PINX1: variants seen among roughly 807,000 people sequenced by gnomAD.
The protein encoded by PINX1 is PIN2/TERF1-interacting telomerase inhibitor 1.
Under a neutral mutation model 25.4 loss-of-function variants are expected in PINX1, and 34 were observed. That is an observed-to-expected ratio of 1.34 (90% confidence interval 1.02 to 1.78). The LOEUF is 1.78. Ranked by LOEUF, PINX1 falls within the 40% of genes most tolerant of loss-of-function variation. The pLI, the probability that PINX1 is intolerant of heterozygous loss-of-function variation, is 0.00. For synonymous variants in PINX1, 197 were observed against 147.7 expected, an observed-to-expected ratio of 1.33 and a Z score of -2.42; for missense variants, 592 against 404.9, an observed-to-expected ratio of 1.46 and a Z score of -3.97.
At chr8:10,832,414 A>G (rs1798250260) in intron 3 of PINX1, among the ~76,000 whole-genome samples, 1 of 152,230 alleles carries the variant, frequency 6.6e-6, no homozygotes, top group African/African-American at 2.4e-5. Context: ...GTAAAGGAAT[A>G]TGAAATAGGT....
chr8:10,767,810 G>A lies in PINX1; in HGVS notation c.472-1894C>T. On this transcript the variant is annotated intron_variant, in intron 6 of 6. Coordinates refer to ENST00000314787, the MANE Select transcript of PINX1 (RefSeq NM_017884.6). ...CCAGGCACCCTCACAGCCACACAGA[G>A]ACAGGCTCGGTGACCAGGCACCCTC... Among the ~76,000 whole-genome samples the A allele has an allele frequency of 3.4e-5, 3 of 89,078 alleles. No individual in the cohort carries two copies. The South Asian group carries it at 1.4e-3, about 41-fold the overall frequency. The allele number at this position is 89,078 out of a possible 152,430, so 58.4% of individuals were successfully genotyped here.
At chr8:10,777,698 C>G (rs1296909749) in intron 6 of PINX1, among the ~76,000 whole-genome samples, 2 of 152,146 alleles carry the variant, frequency 1.3e-5, no homozygotes, top group Admixed American at 1.3e-4. Flanking sequence ...GATTTTGCAT[C>G]TCTGTTGGAA....
chr8:10,837,914 C>T (rs1350526818), intron 1 of PINX1, among the ~76,000 whole-genome samples: 1 of 152,192 alleles, frequency 6.6e-6, no homozygotes, highest in Non-Finnish European at 1.5e-5. Context: ...GAACTGCAAC[C>T]TACGTTAGAA....
At chr8:10,783,183 AAC>A (rs1181930804) in intron 6 of PINX1, among the ~76,000 whole-genome samples, 1 of 152,240 alleles carries the variant, frequency 6.6e-6, no homozygotes, top group Admixed American at 6.5e-5. Context: ...TTGAGCTTTG[AAC>A]ACTTATTAAT....
chr8:10,826,313 G>T, intron 4 of PINX1, 69 bp from the exon 5 acceptor site: 1 of 821,386 alleles, frequency 1.2e-6, no homozygotes, highest in Non-Finnish European at 1.9e-6. Flanking sequence ...CCTAACAGTG[G>T]ATAGTCTTGA....
intron 6 of PINX1, among the ~76,000 whole-genome samples, chr8:10,816,819 G>A (rs1797712656): frequency 8.1e-6 from 1 of 123,902 alleles, no homozygotes; most frequent in African/African-American, 3.4e-5. Flanking sequence ...GGCTGATTTT[G>A]GAATTGGACG....
chr8:10,815,139 A>T (rs1254553226), intron 6 of PINX1, among the ~76,000 whole-genome samples: 3 of 152,114 alleles, frequency 2.0e-5, no homozygotes, highest in Non-Finnish European at 4.4e-5. Context: ...ACGATGTCTC[A>T]CTATGTTGCC....
At chr8:10,794,247 T>G (rs917071919) in intron 6 of PINX1, among the ~76,000 whole-genome samples, 1 of 152,320 alleles carries the variant, frequency 6.6e-6, no homozygotes, top group African/African-American at 2.4e-5. Flanking sequence ...AATTTTAAAT[T>G]ACAATTTTTT....
At chr8:10,767,723 AGCC>A (rs1801100174) in intron 6 of PINX1, among the ~76,000 whole-genome samples, 2 of 151,924 alleles carry the variant, frequency 1.3e-5, no homozygotes, top group African/African-American at 4.8e-5. Context: ...GCACCCTCAC[AGCC>A]ACAGAGACAG....
Position 10,821,019 on chromosome 8 carries a change from C to G in PINX1, c.395-750G>C, listed in dbSNP as rs1586194646. ...ATTCACTTCTTTGGAATTTCCACTT[C>G]TACCCAATAATCCTCTGTGAGCAGT... On this transcript the variant is annotated intron_variant, in intron 5 of 6. Transcript: ENST00000314787. Among the ~76,000 whole-genome samples the G allele has an allele frequency of 2.6e-5, 4 of 152,258 alleles. No individual in the cohort carries two copies. The South Asian group carries it at 8.3e-4, about 32-fold the overall frequency.
chr8:10,821,569 G>A (rs1303347636), intron 5 of PINX1, among the ~76,000 whole-genome samples: 1 of 152,170 alleles, frequency 6.6e-6, no homozygotes, highest in Non-Finnish European at 1.5e-5. Flanking sequence ...AAGAATAGAC[G>A]ATGCACACCA....
chr8:10,834,064 G>A (rs1001336921), intron 2 of PINX1, among the ~76,000 whole-genome samples: 1 of 152,084 alleles, frequency 6.6e-6, no homozygotes, highest in Non-Finnish European at 1.5e-5. Context: ...GTGTGGCAAG[G>A]GAATGAATGA....
intron 6 of PINX1, among the ~76,000 whole-genome samples, chr8:10,808,335 T>C (rs1182279165): frequency 1.3e-5 from 2 of 152,204 alleles, no homozygotes; most frequent in African/African-American, 2.4e-5. Context: ...GAATTGAAAG[T>C]GCTGTAGGGA....
intron 6 of PINX1, among the ~76,000 whole-genome samples, chr8:10,809,187 C>A (rs753939466): frequency 6.6e-6 from 1 of 152,160 alleles, no homozygotes; most frequent in Non-Finnish European, 1.5e-5. Flanking sequence ...AAGGAAAGAA[C>A]AGAAGATAAA....
intron 6 of PINX1, among the ~76,000 whole-genome samples, chr8:10,816,300 C>G (rs1471477834): frequency 6.6e-6 from 1 of 152,164 alleles, no homozygotes; most frequent in African/African-American, 2.4e-5. Flanking sequence ...GTACACAGAA[C>G]CCCTTTACTA....
chr8:10,837,227 C>A (rs527936275), intron 1 of PINX1, among the ~76,000 whole-genome samples: 12 of 152,206 alleles, frequency 7.9e-5, no homozygotes, highest in African/African-American at 2.9e-4. Flanking sequence ...TGTGACCAGG[C>A]CCCAGGAAAT....
chr8:10,776,416 C>G (rs1379981188), intron 6 of PINX1, among the ~76,000 whole-genome samples: 1 of 144,364 alleles, frequency 6.9e-6, no homozygotes, highest in Non-Finnish European at 1.5e-5. Flanking sequence ...CAGAGTGAGA[C>G]TCCGCTCAAT....
intron 5 of PINX1, among the ~76,000 whole-genome samples, chr8:10,825,680 T>C (rs1563234143): frequency 6.6e-6 from 1 of 152,170 alleles, no homozygotes; most frequent in Non-Finnish European, 1.5e-5. Flanking sequence ...AGAAATTACG[T>C]GGAATAAAGG....
chr8:10,801,353 C>T (rs926352506), intron 6 of PINX1, among the ~76,000 whole-genome samples: 4 of 152,368 alleles, frequency 2.6e-5, no homozygotes, highest in Middle Eastern at 3.4e-3. Context: ...ATGATGACTG[C>T]ACATTTGCTT....
Sources: allele counts gnomAD v4.1 joint callset (sites outside exome capture counted in the v4.1 genomes callset), GRCh38; gene constraint gnomAD v4.1.1; transcripts MANE v1.5; gene names NCBI Gene and HGNC (gene_info 2026-07-23, HGNC 2026-07-21).